Variants in FRG1 observed in about 807,000 individuals in gnomAD.
The protein encoded by FRG1 is protein FRG1.
In FRG1, 19 loss-of-function variants were observed where a neutral mutation model predicts 37.0. That is an observed-to-expected ratio of 0.51 (90% CI 0.36 to 0.75). The LOEUF (loss-of-function observed/expected upper bound fraction) is 0.75. Ranked by LOEUF, FRG1 falls within the 30% of genes least tolerant of loss-of-function variation. The pLI is 0.00. For missense variants in FRG1, 243 were observed against 301.4 expected (o/e 0.81, Z 1.44); for synonymous variants, 73 against 96.5 (o/e 0.76, Z 1.43).
In FRG1 at chr4:189,955,018, C is replaced by T; in HGVS notation, c.318-19C>T. The T allele has an allele frequency of 6.9e-7, 1 of 1,451,950 alleles. No individual in the cohort carries two copies. Among genetic ancestry groups the T allele is most frequent in the Non-Finnish European group, 9.7e-7 (1 of 1,033,862 alleles). The allele number at this position is 1,451,950 out of a possible 1,614,324, so 89.9% of individuals were successfully genotyped here. A position where few individuals can be genotyped will look rare whatever the true frequency, so the allele number is the denominator to read the frequency against. ...TTTTCTCTCAGTCTTTAACTTTTAT[C>T]TATGTTATTAATGTACAGAATCGCC... is the stretch of plus-strand genomic sequence containing the variant. On this transcript the variant is annotated intron_variant, in intron 4 of 8. Coordinates refer to ENST00000226798, the MANE Select transcript of FRG1 (RefSeq NM_004477.3).
chr4:189,953,239 A>G (rs138832199), intron 4 of FRG1, 114 bp downstream of exon 4: 1 of 1,378,242 alleles, frequency 7.3e-7, no homozygotes, highest in Non-Finnish European at 9.5e-7. Context: ...TGTAAAAAAC[A>G]AAATAGCTTT....
intron 2 of FRG1, among the ~76,000 whole-genome samples, chr4:189,947,674 G>A (rs893214658): frequency 1.3e-5 from 2 of 152,214 alleles, no homozygotes; most frequent in Non-Finnish European, 2.9e-5. Flanking sequence ...CAGAGGCCTT[G>A]TGGAGCCTGC....
intron 4 of FRG1, 112 bp downstream of exon 4, chr4:189,953,237 A>G: frequency 7.2e-7 from 1 of 1,381,312 alleles, no homozygotes; most frequent in Non-Finnish European, 9.4e-7. Flanking sequence ...GATGTAAAAA[A>G]CAAAATAGCT....
chr4:189,953,699 A>G (rs941898736), intron 4 of FRG1, among the ~76,000 whole-genome samples: 24 of 152,168 alleles, frequency 1.6e-4, no homozygotes, highest in African/African-American at 5.5e-4. Context: ...ATTAATGTAT[A>G]AAGGAGTAAA....
intron 2 of FRG1, among the ~76,000 whole-genome samples, chr4:189,946,195 C>T (rs1736519601): frequency 6.6e-6 from 1 of 151,528 alleles, no homozygotes; most frequent in African/African-American, 2.4e-5. Flanking sequence ...TATTTTAGAT[C>T]GTTAATGATC....
chr4:189,942,796 C>T (rs1351039046), intron 1 of FRG1, among the ~76,000 whole-genome samples: 1 of 152,172 alleles, frequency 6.6e-6, no homozygotes, highest in Non-Finnish European at 1.5e-5. Flanking sequence ...GTAGATGCTG[C>T]ACCATTTTAC....
At chr4:189,942,629 C>T (rs1194660190) in intron 1 of FRG1, among the ~76,000 whole-genome samples, 1 of 152,060 alleles carries the variant, frequency 6.6e-6, no homozygotes, top group Admixed American at 6.5e-5. Flanking sequence ...GGTTGTTTCC[C>T]CTTTTTGGCT....
chr4:189,944,323 C>G (rs1459883880), intron 2 of FRG1, among the ~76,000 whole-genome samples: 2 of 152,144 alleles, frequency 1.3e-5, no homozygotes. Context: ...AGTGCAGGTG[C>G]CTGCCACCAC....
chr4:189,961,563 A>G (rs370890306), intron 7 of FRG1: 9 of 242,304 alleles, frequency 3.7e-5, no homozygotes, highest in African/African-American at 1.9e-4. Context: ...GCGTGCCACT[A>G]TGCTCGGCTA....
At chr4:189,945,609 G>A (rs557774208) in intron 2 of FRG1, among the ~76,000 whole-genome samples, 2 of 152,114 alleles carry the variant, frequency 1.3e-5, no homozygotes, top group Non-Finnish European at 2.9e-5. Flanking sequence ...GTTGTGGTGC[G>A]TTGTCCTTTG....
At chr4:189,943,174 A>T (rs530509235) in intron 1 of FRG1, 28 bp from the exon 2 acceptor site, 8 of 1,539,560 alleles carry the variant, frequency 5.2e-6, no homozygotes, top group Non-Finnish European at 7.1e-6. Context: ...ATATACCTAA[A>T]CTCGTCTATA....
chr4:189,942,743 A>G (rs1736369505), intron 1 of FRG1, among the ~76,000 whole-genome samples: 1 of 152,190 alleles, frequency 6.6e-6, no homozygotes, highest in African/African-American at 2.4e-5. Context: ...TTGCTGGGTC[A>G]TGTGGTAACT....
Position 189,961,851 on chromosome 4 carries a change from A to G in FRG1, c.659A>G (p.Lys220Arg), listed in dbSNP as rs1482003182. 3 of 1,581,968 alleles carry G rather than the reference A, an allele frequency of 1.9e-6. No individual in the cohort carries two copies. The African/African-American group carries it at 4.1e-5, about 22-fold the overall frequency. The change falls in exon 8 of 9, where the codon AAA becomes AGA. Residue 220 changes from lysine (K) to arginine (R), a missense_variant. Lys to Arg is a conservative substitution (Grantham distance 26). Transcript: ENST00000226798. ...VKKFQSFQDHKLKISKEDSKI... is the reference protein window; with the variant it reads ...VKKFQSFQDHRLKISKEDSKI... ...AAATTTCAGAGCTTCCAAGACCACA[A>G]ACTTAAAATAAGTAAAGAAGACAGT...
intron 2 of FRG1, among the ~76,000 whole-genome samples, chr4:189,944,926 T>C (rs904324988): frequency 1.3e-5 from 2 of 152,178 alleles, no homozygotes; most frequent in African/African-American, 2.4e-5. Context: ...TCCAGATCAT[T>C]TGGGGGAGAT....
intron 2 of FRG1, among the ~76,000 whole-genome samples, chr4:189,949,833 A>G (rs1320611060): frequency 1.3e-5 from 2 of 151,988 alleles, no homozygotes; most frequent in African/African-American, 4.8e-5. Context: ...TTTAATTTTG[A>G]TTAATTTTCT....
At chr4:189,943,126 T>G in intron 1 of FRG1, 76 bp from the exon 2 acceptor site, 1 of 1,435,466 alleles carries the variant, frequency 7.0e-7, no homozygotes, top group Admixed American at 2.3e-5. Flanking sequence ...TTAAAAGACT[T>G]TCAAGTTTCA....
chr4:189,945,474 G>T (rs1223911984), intron 2 of FRG1, among the ~76,000 whole-genome samples: 3 of 152,176 alleles, frequency 2.0e-5, no homozygotes, highest in Admixed American at 1.3e-4. Flanking sequence ...GTTTAATGCT[G>T]TCAGATGCCT....
chr4:189,959,272 A>AT (rs1387022147), intron 6 of FRG1, among the ~76,000 whole-genome samples: 36 of 152,290 alleles, frequency 2.4e-4, no homozygotes, highest in African/African-American at 7.5e-4. Flanking sequence ...GAAATGTTAT[A>AT]TTTTTTCATT....
At chr4:189,941,476 T>C (rs1736298293) in intron 1 of FRG1, among the ~76,000 whole-genome samples, 1 of 152,206 alleles carries the variant, frequency 6.6e-6, no homozygotes, top group East Asian at 1.9e-4. Context: ...TCTAATCTAA[T>C]ATGTACAGTG....
Sources: allele counts gnomAD v4.1 joint callset (sites outside exome capture counted in the v4.1 genomes callset), GRCh38; gene constraint gnomAD v4.1.1; transcripts MANE v1.5; gene names NCBI Gene and HGNC (gene_info 2026-07-23, HGNC 2026-07-21).